The following CTNNA2 variants were observed in gnomAD, a reference collection of about 807,000 sequenced individuals.
The protein encoded by CTNNA2 is catenin alpha 2.
CTNNA2 carries 42 observed loss-of-function variants against 101.0 expected under a neutral mutation model. The observed-to-expected ratio is 0.42, with a 90% CI of 0.32 to 0.54. The LOEUF is 0.54. Ranked by LOEUF, CTNNA2 falls within the 20% of genes least tolerant of loss-of-function variation. The pLI is 0.14. For missense variants in CTNNA2, 871 were observed against 1,223.1 expected (o/e 0.71, Z 4.29); for synonymous variants, 450 against 456.4 (o/e 0.99, Z 0.18).
intron 7 of CTNNA2, among the ~76,000 whole-genome samples, chr2:79,954,993 G>A: frequency 6.6e-6 from 1 of 152,212 alleles, no homozygotes; most frequent in East Asian, 1.9e-4. Context: ...ATGCCCTTTT[G>A]TTCCTAGGAA....
At chr2:80,304,985 C>A in intron 7 of CTNNA2, 1 of 835,582 alleles carries the variant, frequency 1.2e-6, no homozygotes, top group East Asian at 1.3e-4. Flanking sequence ...AAGATATTTC[C>A]AAGTGGGAAA....
At chr2:79,540,100 C>G (rs755168279) in intron 1 of CTNNA2, among the ~76,000 whole-genome samples, 1 of 152,068 alleles carries the variant, frequency 6.6e-6, no homozygotes, top group South Asian at 2.1e-4. Context: ...TCCCCAGAAC[C>G]TTATATATTT....
chr2:80,339,339 A>G (rs574242971), intron 7 of CTNNA2, among the ~76,000 whole-genome samples: 6 of 152,316 alleles, frequency 3.9e-5, no homozygotes, highest in Admixed American at 2.0e-4. Context: ...ACTGACCTAG[A>G]AAGGGTATTA....
intron 2 of CTNNA2, among the ~76,000 whole-genome samples, chr2:79,271,433 G>A (rs76521099): frequency 6.6e-6 from 1 of 152,060 alleles, no homozygotes; most frequent in Middle Eastern, 3.2e-3. Context: ...CGAGAGAGCT[G>A]TTTACTGGCC....
chr2:80,034,126 C>T (rs962408021), intron 7 of CTNNA2, among the ~76,000 whole-genome samples: 7 of 151,638 alleles, frequency 4.6e-5, no homozygotes, highest in South Asian at 2.1e-4. Context: ...ACCTTCTCTA[C>T]GGGGGAACAT....
intron 7 of CTNNA2, among the ~76,000 whole-genome samples, chr2:80,220,371 T>C (rs770624664): frequency 6.6e-5 from 10 of 152,154 alleles, no homozygotes; most frequent in Non-Finnish European, 1.3e-4. Flanking sequence ...GCATCCACGT[T>C]TTTTCCTTCT....
intron 7 of CTNNA2, among the ~76,000 whole-genome samples, chr2:80,044,410 C>T (rs1696379693): frequency 6.6e-6 from 1 of 152,064 alleles, no homozygotes; most frequent in East Asian, 1.9e-4. Flanking sequence ...TAAATGCATC[C>T]AGGATACTGA....
intron 7 of CTNNA2, among the ~76,000 whole-genome samples, chr2:79,965,827 C>CAAAAAAAAAAAAAAAAAAAAAAAAAAAA (rs10686940): frequency 6.4e-5 from 5 of 77,988 alleles, no homozygotes; most frequent in Non-Finnish European, 7.1e-5. Flanking sequence ...GAGACTATGT[C>CAAAAAAAAAAAAAAAAAAAAAAAAAAAA]AAAAAAAAAA....
intron 7 of CTNNA2, among the ~76,000 whole-genome samples, chr2:80,232,337 GTTTGT>G (rs1553473425): frequency 2.2e-4 from 10 of 45,088 alleles, no homozygotes; most frequent in Non-Finnish European, 2.8e-4. Flanking sequence ...TTGTTTGTTT[GTTTGT>G]TTGTTTTTTT....
intron 7 of CTNNA2, among the ~76,000 whole-genome samples, chr2:80,056,364 A>G (rs1158126156): frequency 6.6e-6 from 1 of 152,196 alleles, no homozygotes; most frequent in Admixed American, 6.5e-5. Flanking sequence ...GAAGGCTAGA[A>G]AAGAGTCTTT....
At chr2:80,274,598 A>G (rs1291561858) in intron 7 of CTNNA2, among the ~76,000 whole-genome samples, 1 of 152,160 alleles carries the variant, frequency 6.6e-6, no homozygotes, top group Non-Finnish European at 1.5e-5. Flanking sequence ...AAGCCGTATT[A>G]TTGTCTAGCT....
At chr2:80,347,887 A>C (rs533010397) in intron 7 of CTNNA2, among the ~76,000 whole-genome samples, 1 of 148,826 alleles carries the variant, frequency 6.7e-6, no homozygotes, top group Admixed American at 6.7e-5. Flanking sequence ...TGTTTCCCAA[A>C]CATGGCTGTG....
At chr2:80,056,299 A>T (rs918613039) in intron 7 of CTNNA2, among the ~76,000 whole-genome samples, 2 of 152,212 alleles carry the variant, frequency 1.3e-5, no homozygotes, top group African/African-American at 2.4e-5. Flanking sequence ...GCCAGAACTT[A>T]GTCACATGGT....
At chr2:79,434,675 C>T (rs1678694509) in intron 4 of CTNNA2, among the ~76,000 whole-genome samples, 1 of 152,158 alleles carries the variant, frequency 6.6e-6, no homozygotes, top group Non-Finnish European at 1.5e-5. Context: ...GAACAAAGAT[C>T]ATCAGCCTAG....
At chr2:80,413,430 C>T (rs1341483742) in intron 8 of CTNNA2, among the ~76,000 whole-genome samples, 1 of 152,272 alleles carries the variant, frequency 6.6e-6, no homozygotes, top group East Asian at 1.9e-4. Context: ...AAGCAAGAAC[C>T]ATGATTATTC....
At position 80,581,499 on chromosome 2, in the gene CTNNA2, A is replaced by T. The variant is rs112952637; in HGVS notation, c.1894-207A>T. ...CTATACCTGTATGAGGAAATAATAA[A>T]TAAAATATATTTTTTAAAGTAAATT... On this transcript the variant is annotated intron_variant, in intron 13 of 18. Coordinates refer to ENST00000402739, the MANE Select transcript of CTNNA2 (RefSeq NM_001282597.3). Among the ~76,000 whole-genome samples the T allele has an allele frequency of 1.9e-3, 293 of 152,276 alleles. 1 individual carries two copies. The highest frequency in any genetic ancestry group is 6.8e-3 in the African/African-American group (284 of 41,556).
chr2:79,454,631 A>G (rs1670792972), intron 4 of CTNNA2, among the ~76,000 whole-genome samples: 1 of 152,090 alleles, frequency 6.6e-6, no homozygotes, highest in Non-Finnish European at 1.5e-5. Flanking sequence ...GTGGATTCAC[A>G]TTAACCAAGC....
At chr2:79,878,369 C>G (rs1296460783) in intron 6 of CTNNA2, among the ~76,000 whole-genome samples, 1 of 152,110 alleles carries the variant, frequency 6.6e-6, no homozygotes, top group Non-Finnish European at 1.5e-5. Context: ...ATTTCTGGTT[C>G]TAGATCTGTA....
At chr2:80,014,396 GTT>G (rs11316106) in intron 7 of CTNNA2, among the ~76,000 whole-genome samples, 34,532 of 147,414 alleles carry the variant, frequency 0.23, 4,915 homozygotes, top group African/African-American at 0.4. Flanking sequence ...GATCTCTTCT[GTT>G]TTTTTTTTTT....
Sources: allele counts gnomAD v4.1 joint callset (sites outside exome capture counted in the v4.1 genomes callset), GRCh38; gene constraint gnomAD v4.1.1; transcripts MANE v1.5; gene names NCBI Gene and HGNC (gene_info 2026-07-23, HGNC 2026-07-21).